Variants in SLC41A2 observed in about 807,000 individuals in gnomAD.
SLC41A2 encodes the protein SLC41A1-like 1.
In SLC41A2, 32 loss-of-function variants were observed where a neutral mutation model predicts 58.3. The observed-to-expected ratio is 0.55, with a 90% CI of 0.41 to 0.74. SLC41A2 has a LOEUF of 0.74. Ranked by LOEUF, SLC41A2 falls within the 30% of genes least tolerant of loss-of-function variation. The pLI is 0.00. For missense variants in SLC41A2, 514 were observed against 680.6 expected, an observed-to-expected ratio of 0.76 and a Z score of 2.72; for synonymous variants, 190 against 235.0, an observed-to-expected ratio of 0.81 and a Z score of 1.75.
chr12:104,806,848 CT>C (rs1357936568), intron 10 of SLC41A2, among the ~76,000 whole-genome samples: 1 of 152,084 alleles, frequency 6.6e-6, no homozygotes, highest in Non-Finnish European at 1.5e-5. Context: ...TGTCTTTTGG[CT>C]GCATAAATGT....
rs762944653 is a variant in SLC41A2 at position 104,859,980 on chromosome 12, C to T, written c.1255+1311G>A. 9.2e-5 allele frequency among the ~76,000 whole-genome samples: 14 copies of T among 152,124 alleles called. 1 individual carries two copies. Among genetic ancestry groups the T allele is most frequent in the East Asian group, 1.9e-4 (1 of 5,170 alleles). On this transcript the variant is annotated intron_variant, in intron 8 of 10. Transcript: ENST00000258538. ...CTGGTCTCAAACTCATGAGCTTGAA[C>T]GATCCACTTGCCTTGGCCTCGCAAA...
chr12:104,891,168 G>C (rs1228824474), intron 4 of SLC41A2, among the ~76,000 whole-genome samples: 1 of 151,984 alleles, frequency 6.6e-6, no homozygotes, highest in Non-Finnish European at 1.5e-5. Context: ...GCTGGTACCA[G>C]GTGTGTCCTG....
intron 7 of SLC41A2, 98 bp downstream of exon 7, chr12:104,866,334 T>A: frequency 2.3e-6 from 3 of 1,319,178 alleles, no homozygotes; most frequent in Non-Finnish European, 2.9e-6. Flanking sequence ...TATTTTAATA[T>A]GCATGTACAT....
intron 10 of SLC41A2, among the ~76,000 whole-genome samples, chr12:104,840,141 T>G (rs2136313613): frequency 6.6e-6 from 1 of 152,300 alleles, no homozygotes; most frequent in Admixed American, 6.5e-5. Flanking sequence ...AAGATTCCCT[T>G]CGTTACATCT....
chr12:104,882,847 T>C lies in SLC41A2; in HGVS notation c.1027+3446A>G, dbSNP rs954911789. On this transcript the variant is annotated intron_variant, in intron 6 of 10. Transcript: ENST00000258538. Reference sequence around the variant, plus strand: ...TCTTTGTGACGTTCTCTGTATTTCCTGAATTTGAATGTTGGCCTGTCTTGC... The same window carrying C: ...TCTTTGTGACGTTCTCTGTATTTCCCGAATTTGAATGTTGGCCTGTCTTGC... Among the ~76,000 whole-genome samples the C allele has an allele frequency of 2.4e-4, 37 of 152,358 alleles. No homozygotes were observed. In the Middle Eastern group the frequency reaches 0.01, roughly 42 times the overall value.
intron 2 of SLC41A2, among the ~76,000 whole-genome samples, chr12:104,922,278 T>C (rs2046632487): frequency 6.6e-6 from 1 of 152,044 alleles, no homozygotes; most frequent in African/African-American, 2.4e-5. Flanking sequence ...AGAAACCCAC[T>C]TCATCTATAA....
chr12:104,937,155 G>T (rs1014539188), intron 1 of SLC41A2, among the ~76,000 whole-genome samples: 1 of 152,168 alleles, frequency 6.6e-6, no homozygotes, highest in Non-Finnish European at 1.5e-5. Flanking sequence ...ATTAAAAGTT[G>T]CAGTAAGCTA....
At chr12:104,865,029 G>A (rs1380812948) in intron 7 of SLC41A2, among the ~76,000 whole-genome samples, 1 of 152,106 alleles carries the variant, frequency 6.6e-6, no homozygotes, top group Non-Finnish European at 1.5e-5. Flanking sequence ...CTGTGTACAT[G>A]GGCAGAGTTT....
At chr12:104,870,263 C>T (rs1030330639) in intron 6 of SLC41A2, among the ~76,000 whole-genome samples, 2 of 152,150 alleles carry the variant, frequency 1.3e-5, no homozygotes, top group Admixed American at 6.5e-5. Flanking sequence ...CCGAGAACAC[C>T]GGCAGGCAGC....
At position 104,847,216 on chromosome 12, in the gene SLC41A2, G is replaced by A. The variant is rs537941813; in HGVS notation, c.1256-1242C>T. On this transcript the variant is annotated intron_variant, in intron 8 of 10. Transcript: ENST00000258538. The stretch of plus-strand genomic sequence containing the variant: ...TCATGCAAACACTAAGGAAAAGAAC[G>A]TAAGAGTGACTATATCAATATCAAG... Among the ~76,000 whole-genome samples, 3 of 151,926 alleles carry A rather than the reference G, an allele frequency of 2.0e-5. No homozygotes were observed. In the East Asian group the frequency reaches 5.8e-4, roughly 29 times the overall value.
intron 2 of SLC41A2, among the ~76,000 whole-genome samples, chr12:104,922,084 G>C (rs536979852): frequency 6.6e-6 from 1 of 152,036 alleles, no homozygotes; most frequent in South Asian, 2.1e-4. Flanking sequence ...AATCACAAAC[G>C]AATCACAGAG....
rs148593228 is a variant in SLC41A2, at chr12:104,860,638, G to A, written c.1255+653C>T. ...CTCACTCTGTTTCCCAGGCTAGCAT[G>A]CAGTGGCTTATTGTAGCCTCTAACT... On this transcript the variant is annotated intron_variant, in intron 8 of 10. Transcript: ENST00000258538. Among the ~76,000 whole-genome samples, 701 of 151,914 alleles carry A rather than the reference G, an allele frequency of 4.6e-3. 9 individuals are homozygous for A. The highest frequency in any genetic ancestry group is 0.016 in the African/African-American group (665 of 41,418).
chr12:104,872,967 T>C (rs1246835691), intron 6 of SLC41A2, among the ~76,000 whole-genome samples: 3 of 152,236 alleles, frequency 2.0e-5, no homozygotes, highest in African/African-American at 7.2e-5. Context: ...AAGTGGTTAC[T>C]ACAGTCCAGT....
rs139009028 is a variant in SLC41A2 at position 104,917,702 on chromosome 12, C to G, written c.556-7940G>C. Among the ~76,000 whole-genome samples the G allele has an allele frequency of 5.6e-3, 846 of 151,254 alleles. 1 individual carries two copies. The highest frequency in any genetic ancestry group is 0.031 in the Middle Eastern group (9 of 294). ...GACATGGATGAAACTGGAAATCATT[C>G]TTAGTAAATATCACAAGGACAAAAA... On this transcript the variant is annotated intron_variant, in intron 2 of 10. Transcript: ENST00000258538.
At chr12:104,938,458 C>A (rs988194488) in intron 1 of SLC41A2, among the ~76,000 whole-genome samples, 4 of 152,222 alleles carry the variant, frequency 2.6e-5, no homozygotes, top group African/African-American at 9.6e-5. Context: ...GAGAATTCTA[C>A]TTCCTCATCT....
intron 3 of SLC41A2, among the ~76,000 whole-genome samples, chr12:104,896,437 G>A (rs1467237289): frequency 6.6e-6 from 1 of 152,142 alleles, no homozygotes; most frequent in Non-Finnish European, 1.5e-5. Context: ...ATTCATGTTT[G>A]TAGTTCTAAC....
intron 10 of SLC41A2, among the ~76,000 whole-genome samples, chr12:104,817,699 A>G (rs2468096): frequency 0.49 from 73,814 of 151,116 alleles, 18,884 homozygotes; most frequent in Middle Eastern, 0.57. Flanking sequence ...AGTATTATGT[A>G]CTATACATAA....
At chr12:104,939,200 C>T (rs752028869) in intron 1 of SLC41A2, among the ~76,000 whole-genome samples, 8 of 152,264 alleles carry the variant, frequency 5.3e-5, no homozygotes, top group Non-Finnish European at 7.4e-5. Flanking sequence ...ATGAATTCAA[C>T]TTTACTTACA....
chr12:104,928,091 T>G lies in SLC41A2; in HGVS notation c.437A>C (p.Glu146Ala). The G allele has an allele frequency of 6.2e-7, 1 of 1,614,214 alleles. No individual in the cohort carries two copies. Among genetic ancestry groups the G allele is most frequent in the Non-Finnish European group, 8.5e-7 (1 of 1,180,036 alleles). ...SSDGDEDAIV[E>A]VTPKLPKESS... ...TTCCTTTGGTAATTTTGGGGTCACTTCTACAATAGCATCTTCATCACCATC... is the reference window on the plus strand; with the variant it reads ...TTCCTTTGGTAATTTTGGGGTCACTGCTACAATAGCATCTTCATCACCATC... The change falls in exon 2 of 11, where the codon GAA (glutamate) becomes GCA (alanine). Residue 146 changes from glutamate (E) to alanine (A), a missense_variant. Around this residue, in one of 3 missense-constraint regions of SLC41A2, gnomAD observed 336 missense variants for 430.0 expected, o/e 0.78. Coordinates refer to ENST00000258538, the MANE Select transcript of SLC41A2 (RefSeq NM_001352171.3).
Sources: gnomAD v4.1 joint callset for allele counts (sites outside exome capture counted in the v4.1 genomes callset) on GRCh38, gnomAD v4.1.1 for gene constraint, gnomAD v4.1.1 regional missense constraint, MANE v1.5 for transcripts, NCBI Gene and HGNC (gene_info 2026-07-23, HGNC 2026-07-21) for gene names.